The following HYCC1 variants were observed in gnomAD, a reference collection of about 807,000 sequenced individuals.
HYCC1 encodes the protein hyccin.
At chr7:22,997,852 C>T in the HYCC1 span, among the ~76,000 whole-genome samples, 1 of 152,154 alleles carries the variant, frequency 6.6e-6, no homozygotes, top group Admixed American at 6.5e-5. Context: ...AAGAATAGAA[C>T]ATAGGTTTTT....
the HYCC1 span, among the ~76,000 whole-genome samples, chr7:22,993,568 C>T: frequency 6.6e-6 from 1 of 151,956 alleles, no homozygotes; most frequent in Non-Finnish European, 1.5e-5. Context: ...GTAGACAATC[C>T]TATAGGAAAT....
chr7:22,979,281 A>G, the HYCC1 span, among the ~76,000 whole-genome samples: 1 of 152,262 alleles, frequency 6.6e-6, no homozygotes, highest in South Asian at 2.1e-4. Context: ...TATAAAAGGT[A>G]TAACAAAAGT....
chr7:22,980,073 C>T, the HYCC1 span, among the ~76,000 whole-genome samples: 1 of 152,128 alleles, frequency 6.6e-6, no homozygotes, highest in Non-Finnish European at 1.5e-5. Flanking sequence ...ACCAAAATCA[C>T]ATGACTCACA....
the HYCC1 span, chr7:22,976,173 A>G: frequency 8.2e-7 from 1 of 1,223,714 alleles, no homozygotes; most frequent in Non-Finnish European, 1.2e-6. Context: ...ATAGATTCAT[A>G]TATTTCAATA....
the HYCC1 span, among the ~76,000 whole-genome samples, chr7:22,913,172 C>A: frequency 6.6e-6 from 1 of 151,826 alleles, no homozygotes; most frequent in South Asian, 2.1e-4. Context: ...TAAACCTAGT[C>A]TCAAAAACTA....
the HYCC1 span, chr7:22,938,149 TAAAAAC>T: frequency 6.6e-6 from 1 of 152,070 alleles, no homozygotes. Flanking sequence ...ACAAAGCAAA[TAAAAAC>T]AAGAACAATC....
At chr7:22,961,839 GTGTGTGTGTGTCTGTGCA>G in the HYCC1 span, among the ~76,000 whole-genome samples, 1 of 151,324 alleles carries the variant, frequency 6.6e-6, no homozygotes, top group African/African-American at 2.4e-5. Flanking sequence ...GTGTGTGCAT[GTGTGTGTGTGTCTGTGCA>G]TGTGTGTGTG....
the HYCC1 span, among the ~76,000 whole-genome samples, chr7:22,901,072 T>A: frequency 6.6e-6 from 1 of 151,454 alleles, no homozygotes; most frequent in Admixed American, 6.6e-5. Context: ...ATACAAAAAG[T>A]TACCCAGGTG....
chr7:22,959,098 A>G, the HYCC1 span, among the ~76,000 whole-genome samples: 13 of 152,310 alleles, frequency 8.5e-5, no homozygotes, highest in East Asian at 2.5e-3. Flanking sequence ...TGTTTAGACT[A>G]TATGTTTTAA....
At chr7:22,957,369 G>A in the HYCC1 span, among the ~76,000 whole-genome samples, 21 of 149,558 alleles carry the variant, frequency 1.4e-4, no homozygotes, top group South Asian at 2.1e-4. Context: ...TCATTCACTC[G>A]TTTCCCTCTT....
the HYCC1 span, among the ~76,000 whole-genome samples, chr7:22,932,591 C>T: frequency 6.6e-6 from 1 of 152,048 alleles, no homozygotes; most frequent in Non-Finnish European, 1.5e-5. Flanking sequence ...ATGAACCATA[C>T]CCAGATTCTC....
the HYCC1 span, among the ~76,000 whole-genome samples, chr7:22,923,607 A>T: frequency 6.6e-5 from 10 of 151,046 alleles, 1 homozygote; most frequent in Middle Eastern, 0.017. Context: ...AACAAAAAAG[A>T]AGTTTATCTT....
chr7:22,929,885 G>A, the HYCC1 span, among the ~76,000 whole-genome samples: 13 of 152,130 alleles, frequency 8.5e-5, no homozygotes, highest in South Asian at 2.1e-4. Flanking sequence ...ATAAAGACAC[G>A]TGCACACGTA....
the HYCC1 span, among the ~76,000 whole-genome samples, chr7:22,896,225 G>T: frequency 1.3e-5 from 2 of 152,320 alleles, no homozygotes; most frequent in Non-Finnish European, 2.9e-5. Context: ...TGATACAGGA[G>T]AAAGGGACAA....
chr7:23,001,114 T>C, the HYCC1 span, among the ~76,000 whole-genome samples: 1 of 152,170 alleles, frequency 6.6e-6, no homozygotes, highest in Non-Finnish European at 1.5e-5. Context: ...AAATGTGTCA[T>C]ACATAGCAAT....
At chr7:22,934,274 AG>A in the HYCC1 span, 3 of 144,124 alleles carry the variant, frequency 2.1e-5, no homozygotes, top group Non-Finnish European at 3.0e-5. Flanking sequence ...AATACTCAAG[AG>A]GAAAACAAGG....
chr7:22,975,375 T>C, the HYCC1 span, among the ~76,000 whole-genome samples: 1 of 152,194 alleles, frequency 6.6e-6, no homozygotes, highest in African/African-American at 2.4e-5. Flanking sequence ...AATCATACCA[T>C]ACATACTATC....
chr7:22,979,173 A>G, the HYCC1 span, among the ~76,000 whole-genome samples: 1 of 152,186 alleles, frequency 6.6e-6, no homozygotes, highest in Non-Finnish European at 1.5e-5. Context: ...ATTTTCTACA[A>G]CCAATAATGG....
chr7:22,953,756 G>C, the HYCC1 span, among the ~76,000 whole-genome samples: 3 of 151,744 alleles, frequency 2.0e-5, no homozygotes, highest in African/African-American at 7.2e-5. Flanking sequence ...TGGTAAGAAA[G>C]AAATGCTTAT....
Sources: gnomAD v4.1 joint callset for allele counts (sites outside exome capture counted in the v4.1 genomes callset) on GRCh38, gnomAD v4.1.1 for gene constraint, MANE v1.5 for transcripts, NCBI Gene and HGNC (gene_info 2026-07-23, HGNC 2026-07-21) for gene names.